PLAT: variants seen among roughly 807,000 people sequenced by gnomAD.
PLAT encodes the protein plasminogen activator, tissue type.
Under a neutral mutation model 74.9 loss-of-function variants are expected in PLAT, and 48 were observed. The ratio of observed to expected loss-of-function variants is 0.64; its 90% CI spans 0.51 to 0.82. PLAT has a LOEUF of 0.82. PLAT is among the 40% of genes least tolerant of loss of function. The pLI is 0.00. For missense variants in PLAT, 673 were observed against 736.2 expected (o/e 0.91, Z 0.99); for synonymous variants, 307 against 294.4 (o/e 1.04, Z -0.44).
intron 1 of PLAT, among the ~76,000 whole-genome samples, chr8:42,195,097 A>T (rs1805854478): frequency 2.6e-5 from 4 of 151,886 alleles, no homozygotes; most frequent in Admixed American, 6.6e-5. Context: ...GGTCACAACA[A>T]CTTCAGGTCC....
Position 42,174,845 on chromosome 8 carries a change from C to T in PLAT, c.*1148G>A, listed in dbSNP as rs1804902583. On this transcript the variant is annotated 3_prime_UTR_variant, in exon 14 of 14. Coordinates refer to ENST00000220809, the MANE Select transcript of PLAT (RefSeq NM_000930.5). ...CTCATTTCTCCCTGTACTCCCCTCT[C>T]TTGGCCCTCTACATATTCATACCTC... 6.6e-6 allele frequency among the ~76,000 whole-genome samples: 1 copy of T among 152,208 alleles called. No individual in the cohort carries two copies. Among genetic ancestry groups the T allele is most frequent in the South Asian group, 2.1e-4 (1 of 4,822 alleles).
At chr8:42,193,311 A>G (rs897716916) in intron 1 of PLAT, 100 bp from the exon 2 acceptor site, 2 of 728,946 alleles carry the variant, frequency 2.7e-6, no homozygotes, top group Non-Finnish European at 4.8e-6. Flanking sequence ...GGCTTCCTCC[A>G]GTGCCAGCCC....
At chr8:42,194,231 AGAGAGAGAGAGTGTGTGT>A (rs1171323875) in intron 1 of PLAT, among the ~76,000 whole-genome samples, 2,754 of 68,234 alleles carry the variant, frequency 0.04, 96 homozygotes, top group African/African-American at 0.099. Flanking sequence ...AGAGAGAGAG[AGAGAGAGAGAGTGTGTGT>A]GTGTGTGTGT....
At position 42,192,576 on chromosome 8, in the gene PLAT, CAA is replaced by C. The variant is rs368630184; in HGVS notation, c.72+536_72+537del. On this transcript the variant is annotated intron_variant, in intron 2 of 13. Transcript: ENST00000220809. ...AAATAATACAACAATAAAAATAACACAAATTAAAAAATACCTTATAACAACCA... is the reference window on the plus strand; with the variant it reads ...AAATAATACAACAATAAAAATAACACATTAAAAAATACCTTATAACAACCA... Among the ~76,000 whole-genome samples the C allele has an allele frequency of 3.2e-3, 490 of 152,062 alleles. 4 individuals carry two copies. The highest frequency in any genetic ancestry group is 0.011 in the African/African-American group (467 of 41,448).
chr8:42,182,201 G>C, intron 8 of PLAT, 179 bp from the exon 9 acceptor site: 1 of 498,144 alleles, frequency 2.0e-6, no homozygotes, highest in South Asian at 2.1e-5. Context: ...CAGGCCAGGA[G>C]TTTAAGATTT....
chr8:42,194,241 AGTGTGTGTGTGTGTGT>A (rs36208802), intron 1 of PLAT, among the ~76,000 whole-genome samples: 11 of 52,544 alleles, frequency 2.1e-4, no homozygotes, highest in African/African-American at 4.0e-4. Context: ...AGAGAGAGAG[AGTGTGTGTGTGTGTGT>A]GTGTGTGTGT....
At chr8:42,178,844 AGG>A (rs1805083318) in intron 13 of PLAT, 51 bp downstream of exon 13, 2 of 1,547,322 alleles carry the variant, frequency 1.3e-6, no homozygotes, top group African/African-American at 2.7e-5. Flanking sequence ...CTGTTGTCCC[AGG>A]GGCATTCTCC....
At chr8:42,180,406 T>A (rs2020922) in intron 10 of PLAT, 28 bp from the exon 11 acceptor site, 1,177,616 of 1,613,618 alleles carry the variant, frequency 0.73, 432,381 homozygotes, top group African/African-American at 0.95. Context: ...TTAGAATGCT[T>A]TTTTTGCTGT....
chr8:42,204,604 A>G (rs755791303), intron 1 of PLAT, among the ~76,000 whole-genome samples: 20 of 151,318 alleles, frequency 1.3e-4, no homozygotes, highest in Non-Finnish European at 2.7e-4. Context: ...AATCCAAGCT[A>G]TTTGGGAGGC....
In PLAT at chr8:42,179,350, C is replaced by T. The variant is rs1021811549; in HGVS notation, c.1364-287G>A. ...CCGAGCCCTGCAGTGTGCAGCATCC[C>T]TGGCTGCACTCACTGAAGGCCGGCG... On this transcript the variant is annotated intron_variant, in intron 12 of 13. Transcript: ENST00000220809. Among the ~76,000 whole-genome samples the T allele has an allele frequency of 2.0e-5, 3 of 152,154 alleles. No homozygotes were observed. In the South Asian group the frequency reaches 6.2e-4, roughly 32 times the overall value.
At position 42,196,835 on chromosome 8, in the gene PLAT, GA is replaced by G. The variant is rs3216302; in HGVS notation, c.-26-3625del. On this transcript the variant is annotated intron_variant, in intron 1 of 13. Transcript: ENST00000220809. ...AGCTTCTCAGGATCATCAAAGAACTGAAAAAAAAAAAGGCAAATGAGAAGAA... is the reference window on the plus strand; with the variant it reads ...AGCTTCTCAGGATCATCAAAGAACTGAAAAAAAAAAGGCAAATGAGAAGAA... Among the ~76,000 whole-genome samples the G allele has an allele frequency of 2.3e-3, 312 of 138,202 alleles. 1 individual carries two copies. Among genetic ancestry groups the G allele is most frequent in the East Asian group, 0.012 (57 of 4,854 alleles). The allele number at this position is 138,202 out of a possible 152,430, so 90.7% of individuals were successfully genotyped here.
At chr8:42,183,754 C>T (rs922759580) in intron 7 of PLAT, among the ~76,000 whole-genome samples, 3 of 151,916 alleles carry the variant, frequency 2.0e-5, no homozygotes, top group Non-Finnish European at 2.9e-5. Flanking sequence ...TCTAGATCTG[C>T]GAGTCCTCAT....
At chr8:42,191,821 A>T (rs1174999443) in intron 2 of PLAT, among the ~76,000 whole-genome samples, 2 of 151,940 alleles carry the variant, frequency 1.3e-5, no homozygotes, top group Non-Finnish European at 2.9e-5. Flanking sequence ...CCACGCAGTC[A>T]CCTGGCTCTC....
chr8:42,191,687 G>C (rs757671940), intron 2 of PLAT, among the ~76,000 whole-genome samples: 1 of 152,142 alleles, frequency 6.6e-6, no homozygotes, highest in Non-Finnish European at 1.5e-5. Context: ...GGGCCACCGA[G>C]TGCTTTGAAT....
chr8:42,178,926 GC>G lies in PLAT; in HGVS notation c.1500del (p.Gln502ArgfsTer19). The G allele has an allele frequency of 6.2e-7, 1 of 1,613,702 alleles. No homozygotes were observed. The highest frequency in any genetic ancestry group is 1.1e-5 in the South Asian group (1 of 91,060). ...MLCAGDTRSG[G>X]PQANLHDACQ... ...CAGGCGTCGTGCAAGTTTGCCTGGG[GC>G]CCGCCGCTCCGAGTGTCTCCAGCAC... On this transcript the variant is annotated frameshift_variant, in exon 13 of 14. Transcript: ENST00000220809. LOFTEE classifies it high-confidence loss of function.
chr8:42,200,704 C>T (rs533641441), intron 1 of PLAT, among the ~76,000 whole-genome samples: 16 of 149,530 alleles, frequency 1.1e-4, no homozygotes, highest in African/African-American at 3.7e-4. Flanking sequence ...GTATAAGCGT[C>T]GTGCTGTACG....
At chr8:42,188,907 G>T in intron 4 of PLAT, 27 bp downstream of exon 4, 1 of 1,598,060 alleles carries the variant, frequency 6.3e-7, no homozygotes. Context: ...TCACAGGCAT[G>T]CACCACCTCC....
At chr8:42,194,735 C>A (rs1477710270) in intron 1 of PLAT, among the ~76,000 whole-genome samples, 1 of 152,212 alleles carries the variant, frequency 6.6e-6, no homozygotes, top group East Asian at 1.9e-4. Context: ...ATGGAGCCTA[C>A]TCCCCTGCCT....
At chr8:42,200,255 G>T (rs573689818) in intron 1 of PLAT, among the ~76,000 whole-genome samples, 1 of 152,290 alleles carries the variant, frequency 6.6e-6, no homozygotes, top group South Asian at 2.1e-4. Context: ...AAAAGTGTAA[G>T]GGGCTGAGAG....
Sources: gnomAD v4.1 joint callset for allele counts (sites outside exome capture counted in the v4.1 genomes callset) on GRCh38, gnomAD v4.1.1 for gene constraint, MANE v1.5 for transcripts, NCBI Gene and HGNC (gene_info 2026-07-23, HGNC 2026-07-21) for gene names.